Variants in PHF10 observed in about 807,000 individuals in gnomAD.
The protein encoded by PHF10 is PHD finger protein 10, also known as BRG1-associated factor 45a.
A neutral mutation model predicts 68.5 loss-of-function variants in PHF10; 51 were observed. The ratio of observed to expected loss-of-function variants is 0.74; its 90% CI spans 0.59 to 0.94. The LOEUF is 0.94. Among genes scored for constraint, PHF10 ranks in the 40% least tolerant of loss-of-function variants. The pLI, the probability that PHF10 is intolerant of heterozygous loss-of-function variation, is 0.00. For synonymous variants in PHF10, 204 were observed against 203.5 expected, an observed-to-expected ratio of 1.00 and a Z score of -0.02; for missense variants, 460 against 602.6, an observed-to-expected ratio of 0.76 and a Z score of 2.48.
In PHF10 at chr6:169,704,018, G is replaced by GT. The variant is rs766495557; in HGVS notation, c.1481dup (p.Asn494LysfsTer8). 35 of 1,600,976 alleles carry GT rather than the reference G, an allele frequency of 2.2e-5. No individual in the cohort carries two copies. Among genetic ancestry groups the GT allele is most frequent in the Non-Finnish European group, 3.0e-5 (35 of 1,175,848 alleles). ...AAAAACTATTTTATCCCTCTTTGCT[G>GT]TTTTTCCCCCTTCTGCCCACTTTCC... On this transcript the variant is annotated frameshift_variant, in exon 12 of 12. Coordinates refer to ENST00000339209, the MANE Select transcript of PHF10 (RefSeq NM_018288.4). LOFTEE classifies it high-confidence loss of function.
intron 4 of PHF10, among the ~76,000 whole-genome samples, chr6:169,716,738 C>T (rs1027748296): frequency 2.6e-5 from 4 of 152,120 alleles, no homozygotes; most frequent in African/African-American, 4.8e-5. Flanking sequence ...GATGTGGTCT[C>T]GCCATCTTGC....
At chr6:169,716,232 AAAAT>A (rs1789044476) in intron 4 of PHF10, 144 bp from the exon 5 acceptor site, 2 of 470,038 alleles carry the variant, frequency 4.3e-6, no homozygotes. Context: ...AGTACATTTG[AAAAT>A]AATTAAACTT....
chr6:169,723,621 G>A (rs931286731), intron 1 of PHF10, among the ~76,000 whole-genome samples: 11 of 152,164 alleles, frequency 7.2e-5, no homozygotes, highest in Non-Finnish European at 1.5e-4. Flanking sequence ...CCAACTTCGG[G>A]GAAGCCGCGC....
At chr6:169,717,715 C>G (rs1246270598) in intron 4 of PHF10, 108 bp downstream of exon 4, 2 of 598,606 alleles carry the variant, frequency 3.3e-6, no homozygotes, top group Non-Finnish European at 6.0e-6. Context: ...TTAAATAGTT[C>G]AATTTATTTT....
intron 9 of PHF10, among the ~76,000 whole-genome samples, chr6:169,706,617 AC>A (rs1788797518): frequency 6.6e-6 from 1 of 152,098 alleles, no homozygotes. Context: ...CTTGACTGTT[AC>A]AAAATGACGT....
intron 9 of PHF10, among the ~76,000 whole-genome samples, chr6:169,706,175 A>G (rs540028017): frequency 1.3e-5 from 2 of 152,344 alleles, no homozygotes; most frequent in East Asian, 3.9e-4. Context: ...TAGAGCTATA[A>G]AATCTAAGTT....
intron 3 of PHF10, among the ~76,000 whole-genome samples, chr6:169,718,428 G>A (rs993852362): frequency 2.6e-5 from 4 of 152,208 alleles, no homozygotes; most frequent in African/African-American, 9.7e-5. Context: ...TCAGGAGGCT[G>A]AGGCAGCAGG....
chr6:169,713,908 G>A (rs935847001), intron 7 of PHF10, among the ~76,000 whole-genome samples: 12 of 152,158 alleles, frequency 7.9e-5, no homozygotes, highest in Non-Finnish European at 4.4e-5. Context: ...CGGATCACTA[G>A]GTCAAGAGAT....
At position 169,718,784 on chromosome 6, in the gene PHF10, G is replaced by A. The variant is rs371893528; in HGVS notation, c.325+4C>T. On this transcript the variant is annotated splice_donor_region_variant and intron_variant, in intron 3 of 11. Coordinates refer to ENST00000339209, the MANE Select transcript of PHF10 (RefSeq NM_018288.4). ...ATAAATTAATCTATTATATAAACTAGTACCTGGATATTTCCTTTTAAAGGA... is the reference window on the plus strand; with the variant it reads ...ATAAATTAATCTATTATATAAACTAATACCTGGATATTTCCTTTTAAAGGA... 2.0e-6 allele frequency: 3 copies of A among 1,506,946 alleles called. No individual in the cohort carries two copies. The South Asian group carries it at 3.5e-5, about 17-fold the overall frequency. 93.3% of individuals were successfully genotyped at this position (1,506,946 alleles called of 1,614,324 possible). A position where few individuals can be genotyped will look rare whatever the true frequency, so the allele number is the denominator to read the frequency against.
chr6:169,715,767 T>C lies in PHF10; in HGVS notation c.634A>G (p.Ser212Gly). Residue 212 changes from serine (S) to glycine (G), a missense_variant, in exon 6 of 12, where the codon AGC becomes GGC. Ser to Gly is a moderately conservative substitution (Grantham distance 56). This residue lies in a region of PHF10 where 256 missense variants were observed against 410.5 expected (regional missense o/e 0.62). Coordinates refer to ENST00000339209, the MANE Select transcript of PHF10 (RefSeq NM_018288.4). ...TCCATGCGTTCCCGGTTTAAGTTGC[T>C]ATTAAATTCTGCTGCTTTTTTGGCA... ...KAAKKAAEFN[S>G]NLNRERMEER... 1 of 1,613,450 alleles carries C rather than the reference T, an allele frequency of 6.2e-7. No individual in the cohort carries two copies. Among genetic ancestry groups the C allele is most frequent in the Non-Finnish European group, 8.5e-7 (1 of 1,179,936 alleles).
At position 169,705,833 on chromosome 6, in the gene PHF10, TGAG is replaced by T. The variant is rs541377270; in HGVS notation, c.1114-112_1114-110del. The T allele has an allele frequency of 5.9e-4, 401 of 682,572 alleles. 1 individual carries two copies. Among genetic ancestry groups the T allele is most frequent in the Non-Finnish European group, 8.1e-4 (300 of 372,094 alleles). 42.3% of individuals were successfully genotyped at this position (682,572 alleles called of 1,614,324 possible). A position where few individuals can be genotyped will look rare whatever the true frequency, so the allele number is the denominator to read the frequency against. On this transcript the variant is annotated intron_variant, in intron 9 of 11. Transcript: ENST00000339209. ...ATTTTTACTTTTGGTAACTTGCTAA[TGAG>T]GACCATTTTGAAAGACAAAACTTGA...
At position 169,715,818 on chromosome 6, in the gene PHF10, T is replaced by C; in HGVS notation, c.583A>G (p.Lys195Glu). Reference sequence around the variant, plus strand: ...GCTTTCTTAATATACTCAGGCACTTTACTGGCTTCAACTTTCTGAGTATTC... The same window carrying C: ...GCTTTCTTAATATACTCAGGCACTTCACTGGCTTCAACTTTCTGAGTATTC... ...QQNTQKVEAS[K>E]VPEYIKKAAK... Residue 195 changes from lysine to glutamate, a missense_variant, in exon 6 of 12, where the codon AAA becomes GAA. Lys to Glu is a moderately conservative substitution (Grantham distance 56, BLOSUM62 1). Transcript: ENST00000339209. 2 of 1,613,974 alleles carry C rather than the reference T, an allele frequency of 1.2e-6. No homozygotes were observed. The highest frequency in any genetic ancestry group is 1.7e-6 in the Non-Finnish European group (2 of 1,179,922).
At chr6:169,708,502 T>A (rs1788857497) in intron 9 of PHF10, 1 of 152,176 alleles carries the variant, frequency 6.6e-6, no homozygotes. Flanking sequence ...AGAGGTTAAC[T>A]TTTAATAAGC....
intron 4 of PHF10, 101 bp downstream of exon 4, chr6:169,717,717 ATTTAT>A (rs1488841100): frequency 2.1e-5 from 13 of 606,560 alleles, no homozygotes; most frequent in Non-Finnish European, 2.4e-5. Context: ...AAATAGTTCA[ATTTAT>A]TTTATTAATT....
chr6:169,721,068 T>G lies in PHF10; in HGVS notation c.131A>C (p.Lys44Thr), dbSNP rs1332834976. 5.2e-6 allele frequency: 8 copies of G among 1,547,116 alleles called. No homozygotes were observed. Among genetic ancestry groups the G allele is most frequent in the Non-Finnish European group, 5.2e-6 (6 of 1,144,666 alleles). The change falls in exon 2 of 12, where the codon AAA (lysine) becomes ACA (threonine). Residue 44 changes from lysine to threonine, a missense_variant. This residue lies in a region of PHF10 where 93 missense variants were observed against 82.4 expected (regional missense o/e 1.13). Coordinates refer to ENST00000339209, the MANE Select transcript of PHF10 (RefSeq NM_018288.4). ...DNSNDGTQPS[K>T]RRRMGSGDSS... ...ATCTCCTGAGCCCATTCGCCTCCTT[T>G]TGGATGGCTGGGTCCCATCATTTGA...
chr6:169,709,292 A>C (rs1788875617), intron 9 of PHF10: 1 of 150,810 alleles, frequency 6.6e-6, no homozygotes, highest in African/African-American at 2.4e-5. Flanking sequence ...TAACAATTTC[A>C]CTTGGCAAAA....
chr6:169,710,771 G>C (rs1431014375), intron 8 of PHF10, among the ~76,000 whole-genome samples: 3 of 151,878 alleles, frequency 2.0e-5, no homozygotes, highest in African/African-American at 7.3e-5. Context: ...AAATAAGTGT[G>C]GGTATTTTCA....
In PHF10 at chr6:169,705,270, G is replaced by A; in HGVS notation, c.1274C>T (p.Thr425Ile). The change falls in exon 11 of 12, where the codon ACC (threonine) becomes ATC (isoleucine). Residue 425 changes from threonine (T) to isoleucine (I), a missense_variant. By Grantham distance (89) the Thr-to-Ile change is moderately conservative (BLOSUM62 -1). Transcript: ENST00000339209. ...MTMELVSMIKTYPWQCMECKT... is the reference protein window; with the variant it reads ...MTMELVSMIKIYPWQCMECKT... Reference sequence around the variant, plus strand: ...ACATTCCATACACTGCCATGGGTAGGTCTTAATCATAGAAACAAGCTCCAT... The same window carrying A: ...ACATTCCATACACTGCCATGGGTAGATCTTAATCATAGAAACAAGCTCCAT... 1 of 1,613,328 alleles carries A rather than the reference G, an allele frequency of 6.2e-7. No individual in the cohort carries two copies. The highest frequency in any genetic ancestry group is 8.5e-7 in the Non-Finnish European group (1 of 1,179,414).
At chr6:169,707,948 T>C (rs775801172) in intron 9 of PHF10, 5 of 152,146 alleles carry the variant, frequency 3.3e-5, no homozygotes, top group Non-Finnish European at 7.4e-5. Context: ...TCCAGGACTT[T>C]ACACAGCAGA....
Sources: gnomAD v4.1 joint callset for allele counts (sites outside exome capture counted in the v4.1 genomes callset) on GRCh38, gnomAD v4.1.1 for gene constraint, gnomAD v4.1.1 regional missense constraint, MANE v1.5 for transcripts, NCBI Gene and HGNC (gene_info 2026-07-23, HGNC 2026-07-21) for gene names.